Variants in RPH3AL observed in about 807,000 individuals in gnomAD.
RPH3AL encodes the protein rabphilin 3A like (without C2 domains).
In RPH3AL, 38 loss-of-function variants were observed where a neutral mutation model predicts 43.1. The observed-to-expected ratio is 0.88, with a 90% confidence interval of 0.68 to 1.15. RPH3AL has a LOEUF of 1.15. RPH3AL is among the 50% of genes most tolerant of loss of function. RPH3AL has a pLI of 0.00. For missense variants in RPH3AL, 462 were observed against 423.2 expected (o/e 1.09, Z -0.81); for synonymous variants, 189 against 176.3 (o/e 1.07, Z -0.57).
chr17:247,620 G>GC, intron 6 of RPH3AL: 1 of 294,120 alleles, frequency 3.4e-6, no homozygotes, highest in South Asian at 8.3e-5. Flanking sequence ...TCAGCAGCTG[G>GC]GACTACTGTA....
intron 7 of RPH3AL, among the ~76,000 whole-genome samples, chr17:243,231 C>T (rs1184102358): frequency 6.9e-6 from 1 of 144,532 alleles, no homozygotes; most frequent in Non-Finnish European, 1.5e-5. Flanking sequence ...CTATTGACTA[C>T]CTTCCTCTAT....
intron 6 of RPH3AL, among the ~76,000 whole-genome samples, chr17:253,478 C>A (rs564324758): frequency 6.6e-6 from 1 of 152,252 alleles, no homozygotes; most frequent in South Asian, 2.1e-4. Context: ...ACGGTTTTGG[C>A]CTCCGGGTAT....
In RPH3AL at chr17:241,662, CAGAG is replaced by C. The variant is rs370318036; in HGVS notation, c.613+5445_613+5448del. 3.3e-3 allele frequency among the ~76,000 whole-genome samples: 494 copies of C among 150,800 alleles called. 4 individuals are homozygous for C. Among genetic ancestry groups the C allele is most frequent in the African/African-American group, 0.012 (478 of 41,104 alleles). On this transcript the variant is annotated intron_variant, in intron 7 of 9. Transcript: ENST00000331302. ...TATCAAGTATATGTTTGTAGGAACA[CAGAG>C]AAAGGGTTTGGAGATGAGGGTAAGT...
chr17:295,327 G>T (rs1398830900), intron 5 of RPH3AL, among the ~76,000 whole-genome samples: 3 of 147,102 alleles, frequency 2.0e-5, no homozygotes, highest in Non-Finnish European at 3.0e-5. Flanking sequence ...CATCAGTGTG[G>T]GAGGGACAGA....
chr17:345,784 C>T lies in RPH3AL; in HGVS notation c.-213+6928G>A, dbSNP rs1463401169. ...CACCCTGCTGGGGCACGCGTGCTCCCCATCTGCATGCACACCCTGCTGAGG... is the reference window on the plus strand; with the variant it reads ...CACCCTGCTGGGGCACGCGTGCTCCTCATCTGCATGCACACCCTGCTGAGG... On this transcript the variant is annotated intron_variant, in intron 1 of 9. Coordinates refer to ENST00000331302, the MANE Select transcript of RPH3AL (RefSeq NM_006987.4). 2.3e-5 allele frequency among the ~76,000 whole-genome samples: 3 copies of T among 130,108 alleles called. 1 individual carries two copies. Among genetic ancestry groups the T allele is most frequent in the Non-Finnish European group, 5.2e-5 (3 of 57,198 alleles). The allele number at this position is 130,108 out of a possible 152,430, so 85.4% of individuals were successfully genotyped here.
intron 3 of RPH3AL, among the ~76,000 whole-genome samples, chr17:325,753 G>T (rs1217528904): frequency 6.6e-6 from 1 of 152,214 alleles, no homozygotes; most frequent in East Asian, 1.9e-4. Flanking sequence ...TGCAGTCAGT[G>T]CCTGGCACAT....
In RPH3AL at chr17:327,520, G is replaced by T. The variant is rs139108107; in HGVS notation, c.24C>A (p.Ser8Arg). The T allele has an allele frequency of 6.2e-7, 1 of 1,613,890 alleles. No homozygotes were observed. The highest frequency in any genetic ancestry group is 8.5e-7 in the Non-Finnish European group (1 of 1,179,950). The part of the protein sequence containing the change: MADTIFG[S>R]GNDQWVCPND... Reference sequence around the variant, plus strand: ...TGGGGCAAACCCACTGATCATTCCCGCTGCCGAAGATGGTGTCGGCCATGG... The same window carrying T: ...TGGGGCAAACCCACTGATCATTCCCTCTGCCGAAGATGGTGTCGGCCATGG... The change falls in exon 3 of 10, where the codon AGC becomes AGA. Residue 8 changes from serine to arginine, a missense_variant. Ser to Arg is a moderately radical substitution (Grantham distance 110, BLOSUM62 -1). Transcript: ENST00000331302.
intron 5 of RPH3AL, among the ~76,000 whole-genome samples, chr17:293,481 G>T (rs1311343722): frequency 6.6e-6 from 1 of 151,908 alleles, no homozygotes; most frequent in Non-Finnish European, 1.5e-5. Context: ...CCGGGGCTCC[G>T]GGGGTGGGGC....
At position 333,566 on chromosome 17, in the gene RPH3AL, T is replaced by A. The variant is rs1196757749; in HGVS notation, c.-37+193A>T. 3.3e-6 allele frequency: 1 copy of A among 301,468 alleles called. No individual in the cohort carries two copies. The highest frequency in any genetic ancestry group is 6.6e-6 in the Non-Finnish European group (1 of 151,022). 18.7% of individuals were successfully genotyped at this position (301,468 alleles called of 1,614,324 possible). A position where few individuals can be genotyped will look rare whatever the true frequency, so the allele number is the denominator to read the frequency against. On this transcript the variant is annotated intron_variant, in intron 2 of 9. Coordinates refer to ENST00000331302, the MANE Select transcript of RPH3AL (RefSeq NM_006987.4). The surrounding 1 kb of genome is among the most constrained non-coding windows in gnomAD (Gnocchi z 4.5). ...GTTCTTTAAAAATATGATTTTAAAC[T>A]ATAACTTAGTATTCTGAATACAATA...
intron 3 of RPH3AL, among the ~76,000 whole-genome samples, chr17:325,332 C>T (rs1280317412): frequency 2.0e-5 from 3 of 152,164 alleles, no homozygotes; most frequent in East Asian, 1.9e-4. Flanking sequence ...ATCTCCCCTC[C>T]GGAACATGAG....
intron 6 of RPH3AL, among the ~76,000 whole-genome samples, chr17:272,645 A>G (rs2042497399): frequency 2.0e-5 from 3 of 149,008 alleles, no homozygotes; most frequent in African/African-American, 4.9e-5. Context: ...TAGGAGATAT[A>G]CCTAATGCTA....
At position 247,388 on chromosome 17, in the gene RPH3AL, A is replaced by T. The variant is rs578249925; in HGVS notation, c.439-103T>A. The T allele has an allele frequency of 8.9e-5, 110 of 1,234,438 alleles. 3 individuals are homozygous for T. In the South Asian group the frequency reaches 1.7e-3, roughly 19 times the overall value. 76.5% of individuals were successfully genotyped at this position (1,234,438 alleles called of 1,614,324 possible). ...AGGCAGGACGCGGAGAGCTAGGAGC[A>T]GAGTGGGAGTGGGAACTCTGGCTCT... On this transcript the variant is annotated intron_variant, in intron 6 of 9. Transcript: ENST00000331302.
intron 6 of RPH3AL, among the ~76,000 whole-genome samples, chr17:281,137 G>A (rs1028848233): frequency 7.9e-5 from 12 of 152,156 alleles, no homozygotes; most frequent in African/African-American, 2.7e-4. Flanking sequence ...GCTGAGCCTC[G>A]ACTTCCTTCC....
intron 2 of RPH3AL, chr17:332,277 A>AAC: frequency 4.1e-6 from 1 of 241,470 alleles, no homozygotes; most frequent in East Asian, 1.1e-4. Context: ...GGGAAGGAGG[A>AAC]GCGTGTGTGT....
At chr17:321,185 G>T in intron 4 of RPH3AL, 87 bp downstream of exon 4, 2 of 1,486,886 alleles carry the variant, frequency 1.3e-6, no homozygotes, top group East Asian at 4.6e-5. Context: ...GCAAAACCAG[G>T]ACCCGGAGTG....
intron 6 of RPH3AL, among the ~76,000 whole-genome samples, chr17:270,912 T>C (rs1459231979): frequency 6.6e-6 from 1 of 152,224 alleles, no homozygotes; most frequent in African/African-American, 2.4e-5. Context: ...GTTTTAGGTC[T>C]AACATTTAAG....
intron 6 of RPH3AL, among the ~76,000 whole-genome samples, chr17:276,893 A>G (rs935808812): frequency 1.3e-5 from 2 of 152,178 alleles, no homozygotes; most frequent in South Asian, 4.1e-4. Flanking sequence ...GATTAATTGC[A>G]TTATCTGTAA....
rs573618783 is a variant in RPH3AL at position 215,337 on chromosome 17, C to A, written c.876+317G>T. On this transcript the variant is annotated intron_variant, in intron 9 of 9. Transcript: ENST00000331302. This position sits in a 1 kb window ranked among gnomAD's most constrained non-coding sequence, Gnocchi z 4.1. ...TACACCCATCAAATGGGACAATAAG[C>A]CTCCCAGCCACTCTGCCAAGAGAAT... is the stretch of plus-strand genomic sequence containing the variant. Among the ~76,000 whole-genome samples the A allele has an allele frequency of 6.6e-6, 1 of 152,324 alleles. No homozygotes were observed. Among genetic ancestry groups the A allele is most frequent in the South Asian group, 2.1e-4 (1 of 4,828 alleles).
chr17:294,818 A>T (rs12945750), intron 5 of RPH3AL, among the ~76,000 whole-genome samples: 4 of 47,118 alleles, frequency 8.5e-5, no homozygotes, highest in East Asian at 7.5e-4. Context: ...GGGACAGAGG[A>T]GCTGCAGAAA....
Sources: gnomAD v4.1 joint callset for allele counts (sites outside exome capture counted in the v4.1 genomes callset) on GRCh38, gnomAD v4.1.1 for gene constraint, Gnocchi (gnomAD v3.1) non-coding constraint, MANE v1.5 for transcripts, NCBI Gene and HGNC (gene_info 2026-07-23, HGNC 2026-07-21) for gene names.